The following PANK1 variants were observed in gnomAD, a reference collection of about 807,000 sequenced individuals.
The protein encoded by PANK1 is pantothenic acid kinase 1.
A neutral mutation model predicts 40.1 loss-of-function variants in PANK1; 18 were observed. The observed-to-expected ratio is 0.45, with a 90% CI of 0.31 to 0.67. PANK1 has a LOEUF of 0.67. Among genes scored for constraint, PANK1 ranks in the 30% least tolerant of loss-of-function variants. The pLI, the probability that PANK1 is intolerant of heterozygous loss-of-function variation, is 0.06. For missense variants in PANK1, 457 were observed against 599.6 expected (o/e 0.76, Z 2.48); for synonymous variants, 242 against 237.7 (o/e 1.02, Z -0.17).
rs1039158025 is a variant in PANK1 at position 89,584,294 on chromosome 10, G to T, written c.*112C>A. ...TTTAAATTATTTACAAATCCAGCAGGTTCATCTGCCATAATGGCTTGGCTT... is the reference window on the plus strand; with the variant it reads ...TTTAAATTATTTACAAATCCAGCAGTTTCATCTGCCATAATGGCTTGGCTT... On this transcript the variant is annotated 3_prime_UTR_variant, in exon 7 of 7. Transcript: ENST00000307534. The T allele has an allele frequency of 2.9e-6, 2 of 686,526 alleles. No individual in the cohort carries two copies. The highest frequency in any genetic ancestry group is 1.8e-5 in the South Asian group (1 of 56,024). The allele number at this position is 686,526 out of a possible 1,614,324, so 42.5% of individuals were successfully genotyped here. A position where few individuals can be genotyped will look rare whatever the true frequency, so the allele number is the denominator to read the frequency against.
chr10:89,593,209 G>A lies in PANK1; in HGVS notation c.1188C>T (p.Cys396=), dbSNP rs2296616. The A allele has an allele frequency of 0.58, 930,752 of 1,612,514 alleles. 273,740 individuals are homozygous for A. Among genetic ancestry groups the A allele is most frequent in the East Asian group, 0.93 (41,591 of 44,854 alleles). Residue 396 remains cysteine (C), a synonymous_variant, in exon 5 of 7, where the codon TGC becomes TGT. Coordinates refer to ENST00000307534, the MANE Select transcript of PANK1 (RefSeq NM_148977.3). The part of the protein sequence containing the change: ...TNNIGSIARM[C]ALNENIDRVV... ...AGTAAGGCCTTACCTCATTCAACGC[G>A]CACATCCGAGCAATGGAGCCAATGT...
At chr10:89,609,146 C>A (rs1845074093) in intron 2 of PANK1, among the ~76,000 whole-genome samples, 1 of 152,208 alleles carries the variant, frequency 6.6e-6, no homozygotes, top group Non-Finnish European at 1.5e-5. Flanking sequence ...CTCACTGTAA[C>A]CTTGATCTCC....
intron 2 of PANK1, among the ~76,000 whole-genome samples, chr10:89,608,588 A>G (rs1029748601): frequency 1.2e-4 from 19 of 152,216 alleles, no homozygotes; most frequent in Non-Finnish European, 2.4e-4. Context: ...CTATTCAAAT[A>G]TAACAAGTGC....
intron 6 of PANK1, among the ~76,000 whole-genome samples, chr10:89,585,948 T>G (rs2133916516): frequency 6.6e-6 from 1 of 152,356 alleles, no homozygotes; most frequent in East Asian, 1.9e-4. Context: ...CCATTTTCAC[T>G]GGCCATAGAG....
intron 1 of PANK1, among the ~76,000 whole-genome samples, chr10:89,641,255 T>C (rs193216093): frequency 6.6e-6 from 1 of 152,234 alleles, no homozygotes; most frequent in Non-Finnish European, 1.5e-5. Context: ...ATCTTTTTTA[T>C]ACTGGTTTTT....
Position 89,644,591 on chromosome 10 carries a change from G to A in PANK1, c.292+9C>T. 1.3e-6 allele frequency: 2 copies of A among 1,585,682 alleles called. No individual in the cohort carries two copies. Among genetic ancestry groups the A allele is most frequent in the South Asian group, 1.1e-5 (1 of 88,140 alleles). On this transcript the variant is annotated intron_variant, in intron 1 of 6. Coordinates refer to ENST00000307534, the MANE Select transcript of PANK1 (RefSeq NM_148977.3). ...CTTGCGCCCGCGCTCCCCTCCCAGC[G>A]GGACTTACGCGGCCTGTTCTTTCTC...
chr10:89,617,722 C>A (rs1481360440), intron 1 of PANK1, among the ~76,000 whole-genome samples: 1 of 151,866 alleles, frequency 6.6e-6, no homozygotes, highest in Non-Finnish European at 1.5e-5. Flanking sequence ...CTCAACAAAG[C>A]CATTAATAAA....
chr10:89,607,229 C>T (rs1423820573), intron 2 of PANK1, among the ~76,000 whole-genome samples: 1 of 152,184 alleles, frequency 6.6e-6, no homozygotes, highest in Non-Finnish European at 1.5e-5. Flanking sequence ...AACAGTAGTA[C>T]TATTAATTGG....
Position 89,593,895 on chromosome 10 carries a change from T to A in PANK1, c.994A>T (p.Thr332Ser). ...TCCTTCACCAGTTTATCAACATTGGTGCTGTCGCCTTTAGCTGCCATTTCC... is the reference window on the plus strand; with the variant it reads ...TCCTTCACCAGTTTATCAACATTGGAGCTGTCGCCTTTAGCTGCCATTTCC... ...ALEMAAKGDS[T>S]NVDKLVKDIY... The change falls in exon 4 of 7, where the codon ACC becomes TCC. Residue 332 changes from threonine to serine, a missense_variant. Around this residue, in one of 4 missense-constraint regions of PANK1, gnomAD observed 286 missense variants for 415.8 expected, o/e 0.69. Transcript: ENST00000307534. 4 of 1,613,888 alleles carry A rather than the reference T, an allele frequency of 2.5e-6. No homozygotes were observed. The South Asian group carries it at 4.4e-5, about 18-fold the overall frequency.
chr10:89,643,882 G>A (rs1245825170), intron 1 of PANK1: 2 of 1,427,238 alleles, frequency 1.4e-6, no homozygotes, highest in Admixed American at 2.7e-5. Flanking sequence ...GTGAAATAAT[G>A]CACTTCGGCT....
intron 3 of PANK1, chr10:89,599,017 C>T (rs975620920): frequency 3.6e-5 from 17 of 465,784 alleles, no homozygotes; most frequent in Non-Finnish European, 5.7e-5. Flanking sequence ...CTGGTGTGTG[C>T]GATCCTTCTT....
chr10:89,632,571 AAAC>A (rs1841682914), intron 1 of PANK1, among the ~76,000 whole-genome samples: 2 of 152,360 alleles, frequency 1.3e-5, no homozygotes, highest in South Asian at 2.1e-4. Flanking sequence ...TAAAAAACAA[AAAC>A]AATAATGAAT....
In PANK1 at chr10:89,612,014, C is replaced by T. The variant is rs760093095; in HGVS notation, c.327G>A (p.Thr109=). 8 of 1,613,774 alleles carry T rather than the reference C, an allele frequency of 5.0e-6. No homozygotes were observed. In the South Asian group the frequency reaches 7.7e-5, roughly 16 times the overall value. ...GCTCGAAATACACCAATTTAACCAG[C>T]GTTCCACCGATGTCCATGCCAAACC... is the stretch of plus-strand genomic sequence containing the variant. ...FPWFGMDIGG[T]LVKLVYFEPK... Residue 109 remains threonine, a synonymous_variant, in exon 2 of 7, where the codon ACG becomes ACA. Transcript: ENST00000307534.
rs562023373 is a variant in PANK1 at position 89,621,173 on chromosome 10, T to C, written c.293-9125A>G. 1.1e-4 allele frequency among the ~76,000 whole-genome samples: 16 copies of C among 152,242 alleles called. No individual in the cohort carries two copies. The South Asian group carries it at 3.1e-3, about 30-fold the overall frequency. On this transcript the variant is annotated intron_variant, in intron 1 of 6. Coordinates refer to ENST00000307534, the MANE Select transcript of PANK1 (RefSeq NM_148977.3). ...AAAATTAGCCTGGTGTTGTGGCACA[T>C]GCCTGTAATCCTAGCTACACAGGAG...
chr10:89,610,018 A>T (rs751081247), intron 2 of PANK1, among the ~76,000 whole-genome samples: 3 of 152,208 alleles, frequency 2.0e-5, no homozygotes, highest in Non-Finnish European at 4.4e-5. Context: ...GAGCAATGAG[A>T]GTGGATCAGC....
At chr10:89,629,592 A>G (rs772114215) in intron 1 of PANK1, among the ~76,000 whole-genome samples, 8 of 152,196 alleles carry the variant, frequency 5.3e-5, no homozygotes, top group South Asian at 2.1e-4. Flanking sequence ...GTGACGTCTT[A>G]TTTGCACTGT....
chr10:89,640,539 A>T lies in PANK1; in HGVS notation c.292+4061T>A, dbSNP rs544528624. Among the ~76,000 whole-genome samples, 5 of 152,334 alleles carry T rather than the reference A, an allele frequency of 3.3e-5. No homozygotes were observed. The East Asian group carries it at 7.7e-4, about 23-fold the overall frequency. ...GGTCTACTTAGAAATTCTGTATGCCACAGTGGATACACTAAATACTTGTCA... is the reference window on the plus strand; with the variant it reads ...GGTCTACTTAGAAATTCTGTATGCCTCAGTGGATACACTAAATACTTGTCA... On this transcript the variant is annotated intron_variant, in intron 1 of 6. Transcript: ENST00000307534.
chr10:89,584,142 T>C lies in PANK1; in HGVS notation c.*264A>G. ...AACTTTTCAAAGTTAATGCATACAA[T>C]TGGTAGGTTTGGCCACGCTGCACCA... On this transcript the variant is annotated 3_prime_UTR_variant, in exon 7 of 7. Coordinates refer to ENST00000307534, the MANE Select transcript of PANK1 (RefSeq NM_148977.3). The C allele has an allele frequency of 2.6e-6, 1 of 385,724 alleles. No homozygotes were observed. 23.9% of individuals were successfully genotyped at this position (385,724 alleles called of 1,614,324 possible). A position where few individuals can be genotyped will look rare whatever the true frequency, so the allele number is the denominator to read the frequency against.
At chr10:89,601,795 A>T (rs2133946466) in intron 2 of PANK1, among the ~76,000 whole-genome samples, 1 of 152,352 alleles carries the variant, frequency 6.6e-6, no homozygotes, top group Middle Eastern at 3.4e-3. Context: ...GTAATTATAC[A>T]TGTTTTAAGA....
Sources: gnomAD v4.1 joint callset for allele counts (sites outside exome capture counted in the v4.1 genomes callset) on GRCh38, gnomAD v4.1.1 for gene constraint, gnomAD v4.1.1 regional missense constraint, MANE v1.5 for transcripts, NCBI Gene and HGNC (gene_info 2026-07-23, HGNC 2026-07-21) for gene names.